The following NT5C1A variants were observed in gnomAD, a reference collection of about 807,000 sequenced individuals.
NT5C1A encodes 5'-nucleotidase, cytosolic IA.
In NT5C1A, 18 loss-of-function variants were observed where a neutral mutation model predicts 31.0. The ratio of observed to expected loss-of-function variants is 0.58; its 90% confidence interval spans 0.40 to 0.86. NT5C1A has a LOEUF of 0.86. Ranked by LOEUF, NT5C1A falls within the 40% of genes least tolerant of loss-of-function variation. NT5C1A has a pLI of 0.00. For synonymous variants in NT5C1A, 185 were observed against 203.6 expected (o/e 0.91, Z 0.78); for missense variants, 470 against 505.4 (o/e 0.93, Z 0.67).
chr1:39,669,306 G>C (rs142542612), intron 1 of NT5C1A, among the ~76,000 whole-genome samples: 13 of 151,746 alleles, frequency 8.6e-5, no homozygotes, highest in African/African-American at 2.9e-4. Flanking sequence ...TCTGCCTATT[G>C]GGTCCAAGAT....
chr1:39,661,490 T>C (rs1392665196), intron 4 of NT5C1A, among the ~76,000 whole-genome samples: 1 of 152,222 alleles, frequency 6.6e-6, no homozygotes, highest in African/African-American at 2.4e-5. Flanking sequence ...CCTTGCCAGG[T>C]TACCCTGTTG....
At chr1:39,660,048 GACA>G (rs1557744496) in intron 5 of NT5C1A, among the ~76,000 whole-genome samples, 2 of 152,170 alleles carry the variant, frequency 1.3e-5, no homozygotes, top group African/African-American at 4.8e-5. Flanking sequence ...TAAAAAAACA[GACA>G]ACGATGAAGA....
At chr1:39,661,746 G>A (rs559130647) in intron 4 of NT5C1A, among the ~76,000 whole-genome samples, 2 of 152,302 alleles carry the variant, frequency 1.3e-5, no homozygotes, top group South Asian at 4.1e-4. Flanking sequence ...CTCTGGGTTG[G>A]CCTCAGTCAC....
In NT5C1A at chr1:39,653,771, T is replaced by C. The variant is rs1646446018; in HGVS notation, c.*5350A>G. ...TTAAGACTAGATAAAACCCGTGATC[T>C]GGGAAGCCGCCAGCCACACGATGCT... On this transcript the variant is annotated 3_prime_UTR_variant, in exon 6 of 6. Coordinates refer to ENST00000235628, the MANE Select transcript of NT5C1A (RefSeq NM_032526.3). Among the ~76,000 whole-genome samples, 1 of 152,206 alleles carries C rather than the reference T, an allele frequency of 6.6e-6. No individual in the cohort carries two copies. Among genetic ancestry groups the C allele is most frequent in the Non-Finnish European group, 1.5e-5 (1 of 68,036 alleles).
chr1:39,666,271 A>ATGAC, intron 1 of NT5C1A, 35 bp from the exon 2 acceptor site: 1 of 1,604,184 alleles, frequency 6.2e-7, no homozygotes, highest in South Asian at 1.1e-5. Context: ...TGTCACTCAG[A>ATGAC]TGACTGCCCC....
At position 39,665,611 on chromosome 1, in the gene NT5C1A, G is replaced by C. The variant is rs748826686; in HGVS notation, c.343C>G (p.Pro115Ala). 1 of 1,613,234 alleles carries C rather than the reference G, an allele frequency of 6.2e-7. No homozygotes were observed. The highest frequency in any genetic ancestry group is 1.7e-5 in the Admixed American group (1 of 59,994). ...AVNRRLRELY[P>A]DSEDVFDIVL... ...ATGTCGAAGACGTCCTCACTATCAG[G>C]GTACAGCTCCCGCAGCCGCCTGTTC... The change falls in exon 3 of 6, where the codon CCT becomes GCT. Residue 115 changes from proline (P) to alanine (A), a missense_variant. Coordinates refer to ENST00000235628, the MANE Select transcript of NT5C1A (RefSeq NM_032526.3).
intron 3 of NT5C1A, among the ~76,000 whole-genome samples, chr1:39,664,778 C>T (rs546888677): frequency 4.0e-5 from 6 of 151,378 alleles, no homozygotes; most frequent in South Asian, 2.1e-4. Context: ...AGTGAGCCAC[C>T]GCACCTGGCC....
chr1:39,663,949 G>T (rs911095815), intron 3 of NT5C1A, among the ~76,000 whole-genome samples: 1 of 152,142 alleles, frequency 6.6e-6, no homozygotes. Flanking sequence ...TACGGCAGGG[G>T]TCCTTCAGGG....
At chr1:39,664,476 C>T (rs1314534927) in intron 3 of NT5C1A, among the ~76,000 whole-genome samples, 1 of 110,238 alleles carries the variant, frequency 9.1e-6, no homozygotes, top group Non-Finnish European at 1.9e-5. Flanking sequence ...TCTCTCTCCC[C>T]AGAGTGGATT....
At chr1:39,666,983 A>T (rs1424208665) in intron 1 of NT5C1A, among the ~76,000 whole-genome samples, 2 of 152,150 alleles carry the variant, frequency 1.3e-5, no homozygotes, top group Non-Finnish European at 2.9e-5. Flanking sequence ...TCTGTCATTC[A>T]TGCTGCTGTC....
chr1:39,661,668 G>GCCTTCGTGC (rs1342988640), intron 4 of NT5C1A, among the ~76,000 whole-genome samples: 1 of 152,238 alleles, frequency 6.6e-6, no homozygotes, highest in Non-Finnish European at 1.5e-5. Flanking sequence ...ATCGGCCACT[G>GCCTTCGTGC]CCTTCGTGCC....
chr1:39,657,163 C>T lies in NT5C1A; in HGVS notation c.*1958G>A, dbSNP rs1322643965. 2.0e-5 allele frequency among the ~76,000 whole-genome samples: 3 copies of T among 152,222 alleles called. No individual in the cohort carries two copies. Among genetic ancestry groups the T allele is most frequent in the African/African-American group, 7.2e-5 (3 of 41,454 alleles). Reference sequence around the variant, plus strand: ...GTCCCAGTCACTCCACACAGCCATACCCTTCCTCCCTGGGACCAGCCTCAT... The same window carrying T: ...GTCCCAGTCACTCCACACAGCCATATCCTTCCTCCCTGGGACCAGCCTCAT... On this transcript the variant is annotated 3_prime_UTR_variant, in exon 6 of 6. Coordinates refer to ENST00000235628, the MANE Select transcript of NT5C1A (RefSeq NM_032526.3).
At chr1:39,666,439 G>C (rs548981634) in intron 1 of NT5C1A, among the ~76,000 whole-genome samples, 2 of 152,344 alleles carry the variant, frequency 1.3e-5, no homozygotes, top group African/African-American at 4.8e-5. Context: ...AGAGGTGCTG[G>C]CTCCCTTGCT....
chr1:39,671,220 C>T (rs1227494934), intron 1 of NT5C1A, among the ~76,000 whole-genome samples: 1 of 152,216 alleles, frequency 6.6e-6, no homozygotes, highest in Non-Finnish European at 1.5e-5. Context: ...GAGAGCTCCT[C>T]TGTGAGGTCC....
rs768440816 is a variant in NT5C1A at position 39,665,518 on chromosome 1, C to T, written c.433+3G>A. The T allele has an allele frequency of 6.2e-7, 1 of 1,610,332 alleles. No individual in the cohort carries two copies. Among genetic ancestry groups the T allele is most frequent in the South Asian group, 1.1e-5 (1 of 90,378 alleles). On this transcript the variant is annotated splice_donor_region_variant and intron_variant, in intron 3 of 5. Coordinates refer to ENST00000235628, the MANE Select transcript of NT5C1A (RefSeq NM_032526.3). The stretch of plus-strand genomic sequence containing the variant: ...AACCCCCCATCCTCATGCTCATGCT[C>T]ACCATAGTGGTTGATACTGTTGATG...
In NT5C1A at chr1:39,659,299, G is replaced by T; in HGVS notation, c.929C>A (p.Ala310Asp). Residue 310 changes from alanine to aspartate, a missense_variant, in exon 6 of 6, where the codon GCT becomes GAT. Coordinates refer to ENST00000235628, the MANE Select transcript of NT5C1A (RefSeq NM_032526.3). Reference protein sequence around the residue: ...GLETDEALFLAGAPKGPLLEK... With the variant: ...GLETDEALFLDGAPKGPLLEK... ...AAGGAGAGGGCCCTTGGGCGCTCCA[G>T]CAAGGAACAAGGCTTCATCTGTCTC... 3.7e-6 allele frequency: 6 copies of T among 1,614,074 alleles called. No individual in the cohort carries two copies. Among genetic ancestry groups the T allele is most frequent in the Non-Finnish European group, 5.1e-6 (6 of 1,180,044 alleles).
intron 1 of NT5C1A, among the ~76,000 whole-genome samples, chr1:39,671,164 CA>C (rs1452197596): frequency 1.3e-5 from 2 of 152,166 alleles, no homozygotes; most frequent in African/African-American, 4.8e-5. Context: ...CAGCAAGGTC[CA>C]GGGGCAGACC....
At chr1:39,661,009 A>C in intron 5 of NT5C1A, 70 bp downstream of exon 5, 2 of 852,998 alleles carry the variant, frequency 2.3e-6, no homozygotes, top group Non-Finnish European at 3.7e-6. Context: ...CCAGGCTGGG[A>C]GTGCAGGCCA....
At chr1:39,663,875 C>T (rs750016198) in intron 3 of NT5C1A, among the ~76,000 whole-genome samples, 5 of 152,194 alleles carry the variant, frequency 3.3e-5, no homozygotes, top group South Asian at 2.1e-4. Context: ...CCGTCACTCT[C>T]GCAGCCCCTT....
Sources: allele counts gnomAD v4.1 joint callset (sites outside exome capture counted in the v4.1 genomes callset), GRCh38; gene constraint gnomAD v4.1.1; transcripts MANE v1.5; gene names NCBI Gene and HGNC (gene_info 2026-07-23, HGNC 2026-07-21).